The following TULP4 variants were observed in gnomAD, a reference collection of about 807,000 sequenced individuals.
TULP4 encodes TUB like protein 4.
Under a neutral mutation model 129.0 loss-of-function variants are expected in TULP4, and 16 were observed. That is an observed-to-expected ratio of 0.12 (90% CI 0.08 to 0.19). The LOEUF (loss-of-function observed/expected upper bound fraction) is 0.19. TULP4 is among the 10% of genes least tolerant of loss of function. The probability of loss-of-function intolerance (pLI) is 1.00; values close to 1 mark genes in which losing one functional copy is unlikely to be tolerated. For synonymous variants in TULP4, 998 were observed against 854.0 expected, an observed-to-expected ratio of 1.17 and a Z score of -2.94; for missense variants, 1,842 against 2,059.1, an observed-to-expected ratio of 0.89 and a Z score of 2.04.
chr6:158,472,803 A>G (rs1176122225), intron 6 of TULP4, among the ~76,000 whole-genome samples: 6 of 152,248 alleles, frequency 3.9e-5, no homozygotes. Context: ...TGTAACAGCA[A>G]TGCTTGTGGC....
chr6:158,432,739 T>A (rs1778659882), intron 3 of TULP4, among the ~76,000 whole-genome samples: 1 of 152,234 alleles, frequency 6.6e-6, no homozygotes, highest in Non-Finnish European at 1.5e-5. Context: ...CATGTGCCTG[T>A]ATTGTGCGCT....
At chr6:158,444,266 TA>T (rs764604253) in intron 3 of TULP4, among the ~76,000 whole-genome samples, 13,025 of 96,492 alleles carry the variant, frequency 0.13, 2,491 homozygotes, top group Non-Finnish European at 0.19. Context: ...TTTTTTTTTT[TA>T]ACTTTTGCCG....
At chr6:158,420,732 C>A (rs932328665) in intron 2 of TULP4, among the ~76,000 whole-genome samples, 4 of 152,096 alleles carry the variant, frequency 2.6e-5, no homozygotes, top group Non-Finnish European at 5.9e-5. Flanking sequence ...GATCCACCTT[C>A]CACATCCTCC....
intron 1 of TULP4, among the ~76,000 whole-genome samples, chr6:158,399,670 A>C (rs953624899): frequency 7.3e-6 from 1 of 137,604 alleles, no homozygotes; most frequent in Non-Finnish European, 1.6e-5. Context: ...ATAATCATAC[A>C]TAACGCTTAT....
chr6:158,424,923 G>A (rs895776635), intron 2 of TULP4, among the ~76,000 whole-genome samples: 1 of 151,700 alleles, frequency 6.6e-6, no homozygotes, highest in Non-Finnish European at 1.5e-5. Flanking sequence ...GGAGGCCGAG[G>A]TGGGCGGATC....
intron 1 of TULP4, among the ~76,000 whole-genome samples, chr6:158,380,985 G>C (rs1210779637): frequency 6.6e-6 from 1 of 151,744 alleles, no homozygotes; most frequent in Non-Finnish European, 1.5e-5. Flanking sequence ...GACAGTGGTG[G>C]CATGCTGGTT....
intron 1 of TULP4, among the ~76,000 whole-genome samples, chr6:158,283,138 CA>C (rs11328037): frequency 0.47 from 56,821 of 120,126 alleles, 11,002 homozygotes; most frequent in East Asian, 0.58. Flanking sequence ...GACTCCGTCT[CA>C]AAAAAAAAAA....
At chr6:158,365,724 G>A (rs775564793) in intron 1 of TULP4, among the ~76,000 whole-genome samples, 15 of 151,348 alleles carry the variant, frequency 9.9e-5, no homozygotes, top group Non-Finnish European at 2.2e-4. Flanking sequence ...GCCCGCCTTG[G>A]CCTCCCAAAA....
chr6:158,240,740 CG>C (rs1583666788), intron 1 of TULP4, among the ~76,000 whole-genome samples: 1 of 127,604 alleles, frequency 7.8e-6, no homozygotes, highest in East Asian at 3.0e-4. Context: ...GCTGGCCGGG[CG>C]GGGGGCTGAC....
chr6:158,282,678 T>A (rs1778775115), intron 1 of TULP4, among the ~76,000 whole-genome samples: 1 of 151,892 alleles, frequency 6.6e-6, no homozygotes, highest in Non-Finnish European at 1.5e-5. Flanking sequence ...AACTGAATTT[T>A]CCCTGACAGT....
At chr6:158,359,939 T>C (rs556064468) in intron 1 of TULP4, among the ~76,000 whole-genome samples, 3 of 152,190 alleles carry the variant, frequency 2.0e-5, no homozygotes, top group Non-Finnish European at 4.4e-5. Context: ...CATTCACTTA[T>C]TCATATCCTT....
chr6:158,279,098 C>T (rs893780052), upstream of TULP4, among the ~76,000 whole-genome samples: 15 of 151,812 alleles, frequency 9.9e-5, no homozygotes, highest in East Asian at 1.4e-3. Context: ...CCACTATGCC[C>T]GGCTAATTTT....
intron 1 of TULP4, among the ~76,000 whole-genome samples, chr6:158,252,163 G>A (rs1778153887): frequency 6.6e-6 from 1 of 152,068 alleles, no homozygotes; most frequent in South Asian, 2.1e-4. Context: ...TACCTCTTAG[G>A]TGTATAAGTA....
At chr6:158,439,789 G>A (rs13219385) in intron 3 of TULP4, among the ~76,000 whole-genome samples, 1,942 of 126,444 alleles carry the variant, frequency 0.015, 16 homozygotes, top group Admixed American at 0.029. Flanking sequence ...TCGGCTCACT[G>A]CAAGCTCCGC....
In TULP4 at chr6:158,413,226, G is replaced by C. The variant is rs1250063493; in HGVS notation, c.381+33G>C. The C allele has an allele frequency of 1.3e-6, 2 of 1,594,448 alleles. No homozygotes were observed. Among genetic ancestry groups the C allele is most frequent in the South Asian group, 2.2e-5 (2 of 89,246 alleles). On this transcript the variant is annotated intron_variant, in intron 2 of 13. Coordinates refer to ENST00000367097, the MANE Select transcript of TULP4 (RefSeq NM_020245.5). This position sits in a 1 kb window ranked among gnomAD's most constrained non-coding sequence, Gnocchi z 4.9. ...GCAGGCGCAGCTCTGCCAGTGAAGG[G>C]CTGCGGGGTAGAGGACTCCCAGACA... is the stretch of plus-strand genomic sequence containing the variant.
At chr6:158,434,435 C>G (rs1778706262) in intron 3 of TULP4, among the ~76,000 whole-genome samples, 1 of 152,076 alleles carries the variant, frequency 6.6e-6, no homozygotes, top group Admixed American at 6.6e-5. Context: ...ATAAGTATGA[C>G]TGGGAAAAAT....
In TULP4 at chr6:158,508,858, T is replaced by C. The variant is rs1375312631; in HGVS notation, c.*2164T>C. On this transcript the variant is annotated 3_prime_UTR_variant, in exon 14 of 14. Coordinates refer to ENST00000367097, the MANE Select transcript of TULP4 (RefSeq NM_020245.5). ...TCACAGTATATTTTGCTGCAAGAAA[T>C]AAAGAGGATATGATAGAAGGTTTTT... is the stretch of plus-strand genomic sequence containing the variant. 7.0e-6 allele frequency: 1 copy of C among 142,158 alleles called. No homozygotes were observed. The highest frequency in any genetic ancestry group is 1.5e-5 in the Non-Finnish European group (1 of 65,674). 8.8% of individuals were successfully genotyped at this position (142,158 alleles called of 1,614,324 possible). A position where few individuals can be genotyped will look rare whatever the true frequency, so the allele number is the denominator to read the frequency against.
chr6:158,260,301 C>G (rs1335468178), intron 1 of TULP4, among the ~76,000 whole-genome samples: 2 of 152,216 alleles, frequency 1.3e-5, no homozygotes, highest in African/African-American at 4.8e-5. Flanking sequence ...CAGATATATT[C>G]TTTCTACCAC....
chr6:158,387,439 A>G (rs1777474622), intron 1 of TULP4, among the ~76,000 whole-genome samples: 1 of 152,232 alleles, frequency 6.6e-6, no homozygotes, highest in African/African-American at 2.4e-5. Context: ...AATTGATTAT[A>G]ATAGGAAATC....
Sources: allele counts gnomAD v4.1 joint callset (sites outside exome capture counted in the v4.1 genomes callset), GRCh38; gene constraint gnomAD v4.1.1; non-coding constraint Gnocchi (gnomAD v3.1); transcripts MANE v1.5; gene names NCBI Gene and HGNC (gene_info 2026-07-23, HGNC 2026-07-21).